The following MORC1 variants were observed in gnomAD, a reference collection of about 807,000 sequenced individuals.
MORC1 encodes the protein MORC family CW-type zinc finger 1.
Under a neutral mutation model 134.9 loss-of-function variants are expected in MORC1, and 59 were observed. That is an observed-to-expected ratio of 0.44 (90% CI 0.35 to 0.54). The LOEUF (loss-of-function observed/expected upper bound fraction) is 0.54, where lower values mean the gene tolerates loss of function less well. Ranked by LOEUF, MORC1 falls within the 20% of genes least tolerant of loss-of-function variation. The pLI, the probability that MORC1 is intolerant of heterozygous loss-of-function variation, is 0.00. For synonymous variants in MORC1, 395 were observed against 391.7 expected (o/e 1.01, Z -0.10); for missense variants, 947 against 1,134.5 (o/e 0.83, Z 2.37).
rs2107818325 is a variant in MORC1, at chr3:109,118,087, A to G, written c.-28T>C. On this transcript the variant is annotated 5_prime_UTR_variant, in exon 1 of 28. Coordinates refer to ENST00000232603, the MANE Select transcript of MORC1 (RefSeq NM_014429.4). Reference sequence around the variant, plus strand: ...CCTCGAACACGACCCGCGCAACTCAAGGGGACAAGGACACCTGACCGGCAG... The same window carrying G: ...CCTCGAACACGACCCGCGCAACTCAGGGGGACAAGGACACCTGACCGGCAG... 1 of 1,596,214 alleles carries G rather than the reference A, an allele frequency of 6.3e-7. No individual in the cohort carries two copies. The highest frequency in any genetic ancestry group is 8.5e-7 in the Non-Finnish European group (1 of 1,170,850).
chr3:109,108,668 C>T (rs905594151), intron 3 of MORC1, among the ~76,000 whole-genome samples: 24 of 152,030 alleles, frequency 1.6e-4, no homozygotes, highest in African/African-American at 5.1e-4. Flanking sequence ...GAGGCCGAGG[C>T]GGGCGGATCA....
In MORC1 at chr3:109,103,899, T is replaced by C. The variant is rs1380998030; in HGVS notation, c.173A>G (p.Gln58Arg). The C allele has an allele frequency of 6.2e-7, 1 of 1,614,050 alleles. No homozygotes were observed. Among genetic ancestry groups the C allele is most frequent in the South Asian group, 1.1e-5 (1 of 91,076 alleles). ...DVFSVDNEKL[Q>R]GGFMLCFLDD... Reference sequence around the variant, plus strand: ...CAGGAAACACAACATGAATCCCCCCTGCAGTTTTTCATTATCCACTGTAAG... The same window carrying C: ...CAGGAAACACAACATGAATCCCCCCCGCAGTTTTTCATTATCCACTGTAAG... Residue 58 changes from glutamine (Q) to arginine (R), a missense_variant, in exon 4 of 28, where the codon CAG (glutamine) becomes CGG (arginine). Around this residue, in one of 3 missense-constraint regions of MORC1, gnomAD observed 214 missense variants for 281.3 expected, o/e 0.76. Transcript: ENST00000232603.
chr3:109,026,223 A>C (rs747409860), intron 17 of MORC1, among the ~76,000 whole-genome samples: 14 of 152,182 alleles, frequency 9.2e-5, no homozygotes, highest in Non-Finnish European at 1.5e-4. Context: ...TCCTTTTGCA[A>C]AAGGAAAAAG....
chr3:109,063,909 C>T (rs3804675), intron 9 of MORC1, among the ~76,000 whole-genome samples: 29,062 of 151,932 alleles, frequency 0.19, 3,316 homozygotes, highest in Middle Eastern at 0.33. Flanking sequence ...TTCCTGGAAC[C>T]GGGCTTTTAA....
chr3:109,101,961 T>C (rs1354994338), intron 4 of MORC1, among the ~76,000 whole-genome samples: 1 of 152,136 alleles, frequency 6.6e-6, no homozygotes, highest in African/African-American at 2.4e-5. Context: ...ACGTGCATGG[T>C]TACCCGGTTC....
At chr3:109,029,970 GA>G (rs1395333250) in intron 16 of MORC1, among the ~76,000 whole-genome samples, 1 of 152,166 alleles carries the variant, frequency 6.6e-6, no homozygotes, top group Non-Finnish European at 1.5e-5. Context: ...GAGAAATGGG[GA>G]AAGTTCATAG....
At chr3:109,056,163 T>A (rs773912153) in intron 13 of MORC1, among the ~76,000 whole-genome samples, 9 of 152,302 alleles carry the variant, frequency 5.9e-5, no homozygotes, top group Middle Eastern at 3.4e-3. Flanking sequence ...TGGAAGCCCA[T>A]GGCAAGCAGT....
chr3:108,962,517 A>C (rs1387972380), intron 27 of MORC1, among the ~76,000 whole-genome samples: 1 of 152,080 alleles, frequency 6.6e-6, no homozygotes, highest in Non-Finnish European at 1.5e-5. Flanking sequence ...TCCTCTAGCC[A>C]ATCCTCCATA....
intron 17 of MORC1, among the ~76,000 whole-genome samples, chr3:109,012,410 A>AT (rs1281699387): frequency 1.3e-5 from 2 of 152,006 alleles, no homozygotes; most frequent in Non-Finnish European, 2.9e-5. Flanking sequence ...TTTTAAGGTT[A>AT]TTTTTTCTAA....
At chr3:108,975,989 A>G (rs537819110) in intron 24 of MORC1, among the ~76,000 whole-genome samples, 1 of 152,310 alleles carries the variant, frequency 6.6e-6, no homozygotes, top group East Asian at 1.9e-4. Flanking sequence ...TAAAAGTATT[A>G]TTTAAATATA....
chr3:109,103,338 T>TTGTAGA (rs1185384564), intron 4 of MORC1, among the ~76,000 whole-genome samples: 2 of 152,216 alleles, frequency 1.3e-5, no homozygotes, highest in Admixed American at 1.3e-4. Flanking sequence ...ATGAAATATA[T>TTGTAGA]TGTAGATGTA....
At chr3:109,103,317 AAAGAT>A (rs982174350) in intron 4 of MORC1, among the ~76,000 whole-genome samples, 9 of 152,326 alleles carry the variant, frequency 5.9e-5, no homozygotes, top group African/African-American at 1.9e-4. Context: ...TTGAATACAC[AAAGAT>A]AAGTCATGAA....
chr3:109,014,987 GCGATTCTC>G (rs1948783227), intron 17 of MORC1, among the ~76,000 whole-genome samples: 1 of 152,150 alleles, frequency 6.6e-6, no homozygotes, highest in Non-Finnish European at 1.5e-5. Context: ...CTGGGTTCAA[GCGATTCTC>G]CTGCCTCAGC....
rs368645181 is a variant in MORC1, at chr3:108,959,109, T to C, written c.2811A>G (p.Glu937=). Residue 937 remains glutamate (E), a synonymous_variant, in exon 28 of 28, where the codon GAA becomes GAG. Transcript: ENST00000232603. ...AAGTGTCAGTCTGCTCCAGGTCACC[T>C]TCTGGACCACCCTGGAAAAGAGAAG... ...LLQKLQLGGP[E]GDLEQTDTYL... The C allele has an allele frequency of 8.4e-5, 132 of 1,578,018 alleles. No homozygotes were observed. Among genetic ancestry groups the C allele is most frequent in the Admixed American group, 1.9e-4 (10 of 52,842 alleles).
At chr3:109,117,618 A>G (rs1283127887) in intron 1 of MORC1, among the ~76,000 whole-genome samples, 1 of 152,200 alleles carries the variant, frequency 6.6e-6, no homozygotes, top group East Asian at 1.9e-4. Context: ...AGAGTTTGAA[A>G]TCAATATATG....
chr3:109,023,539 T>C (rs1035167120), intron 17 of MORC1, among the ~76,000 whole-genome samples: 5 of 152,152 alleles, frequency 3.3e-5, no homozygotes, highest in African/African-American at 7.2e-5. Context: ...CTTTTAATGA[T>C]TGAGGGTATT....
chr3:109,065,582 G>T (rs763263064), intron 9 of MORC1, among the ~76,000 whole-genome samples: 10 of 152,136 alleles, frequency 6.6e-5, no homozygotes, highest in Non-Finnish European at 1.3e-4. Flanking sequence ...CTAAAAAGTT[G>T]CAAGTTCTAC....
chr3:108,960,163 T>A (rs1181038907), intron 27 of MORC1, among the ~76,000 whole-genome samples: 1 of 152,184 alleles, frequency 6.6e-6, no homozygotes, highest in Non-Finnish European at 1.5e-5. Flanking sequence ...AAGGAAAAAG[T>A]TAATCTTGTT....
chr3:109,034,709 C>G (rs899003681), intron 15 of MORC1, among the ~76,000 whole-genome samples: 1 of 151,830 alleles, frequency 6.6e-6, no homozygotes, highest in Non-Finnish European at 1.5e-5. Flanking sequence ...ATTCACATTT[C>G]TCTACTCTTC....
Sources: gnomAD v4.1 joint callset for allele counts (sites outside exome capture counted in the v4.1 genomes callset) on GRCh38, gnomAD v4.1.1 for gene constraint, gnomAD v4.1.1 regional missense constraint, MANE v1.5 for transcripts, NCBI Gene and HGNC (gene_info 2026-07-23, HGNC 2026-07-21) for gene names.